The following TMEM254 variants were observed in gnomAD, a reference collection of about 807,000 sequenced individuals.
TMEM254 encodes transmembrane protein C10orf57.
A neutral mutation model predicts 13.9 loss-of-function variants in TMEM254; 16 were observed. The ratio of observed to expected loss-of-function variants is 1.15; its 90% CI spans 0.78 to 1.75. The LOEUF (loss-of-function observed/expected upper bound fraction) is 1.75. Among genes scored for constraint, TMEM254 ranks in the 40% most tolerant of loss-of-function variants. The probability of loss-of-function intolerance (pLI) is 0.00; values close to 1 mark genes in which losing one functional copy is unlikely to be tolerated. For synonymous variants in TMEM254, 61 were observed against 56.4 expected, an observed-to-expected ratio of 1.08 and a Z score of -0.36; for missense variants, 155 against 149.0, an observed-to-expected ratio of 1.04 and a Z score of -0.21.
chr10:80,082,425 T>C (rs1220353018), intron 3 of TMEM254, among the ~76,000 whole-genome samples: 2 of 152,222 alleles, frequency 1.3e-5, no homozygotes, highest in Non-Finnish European at 2.9e-5. Context: ...TACTTAGTTA[T>C]CTAATTCAGA....
chr10:80,079,618 A>G, intron 1 of TMEM254: 1 of 986,940 alleles, frequency 1.0e-6, no homozygotes, highest in Non-Finnish European at 1.2e-6. Flanking sequence ...AGAAAGCTGT[A>G]CCTAGAAAAA....
At chr10:80,090,440 C>G (rs1355730753) in intron 3 of TMEM254, 1 of 717,350 alleles carries the variant, frequency 1.4e-6, no homozygotes, top group Non-Finnish European at 2.6e-6. Flanking sequence ...TGGTAGGTAG[C>G]CACGCTAGGA....
intron 1 of TMEM254, chr10:80,081,588 A>G (rs1425388765): frequency 1.7e-6 from 2 of 1,162,608 alleles, no homozygotes; most frequent in Non-Finnish European, 2.4e-6. Flanking sequence ...GGATGGATTG[A>G]GCCCAGATGG....
chr10:80,079,744 G>C, intron 1 of TMEM254: 1 of 969,312 alleles, frequency 1.0e-6, no homozygotes. Context: ...ACGGAGTCTC[G>C]CTCTGTCACC....
intron 3 of TMEM254, among the ~76,000 whole-genome samples, chr10:80,085,240 A>G (rs1204853986): frequency 3.3e-5 from 5 of 152,148 alleles, no homozygotes; most frequent in African/African-American, 1.2e-4. Context: ...ATTAGTCACT[A>G]TGAATCAGAA....
intron 3 of TMEM254, among the ~76,000 whole-genome samples, chr10:80,089,924 C>G (rs1277023717): frequency 2.7e-5 from 4 of 150,280 alleles, no homozygotes; most frequent in Non-Finnish European, 4.4e-5. Context: ...AGAATGGCAT[C>G]AACCCGGGAG....
At chr10:80,087,614 C>T (rs1844379067) in intron 3 of TMEM254, among the ~76,000 whole-genome samples, 2 of 152,162 alleles carry the variant, frequency 1.3e-5, no homozygotes, top group Non-Finnish European at 2.9e-5. Flanking sequence ...GATCACACCA[C>T]TGCACTCTAG....
rs1844051030 is a variant in TMEM254, at chr10:80,081,886, C to G, written c.133C>G (p.Pro45Ala). Residue 45 changes from proline (P) to alanine (A), a missense_variant, in exon 2 of 4, where the codon CCC (proline) becomes GCC (alanine). Transcript: ENST00000372281. ...GAGTATCCCTTATCAGAACCTTGGGCCCCTGGGCCCCTTCACTCAGTACTT... is the reference window on the plus strand; with the variant it reads ...GAGTATCCCTTATCAGAACCTTGGGGCCCTGGGCCCCTTCACTCAGTACTT... Reference protein sequence around the residue: ...PQSIPYQNLGPLGPFTQYLVD... With the variant: ...PQSIPYQNLGALGPFTQYLVD... 6.2e-7 allele frequency: 1 copy of G among 1,614,206 alleles called. No individual in the cohort carries two copies. Among genetic ancestry groups the G allele is most frequent in the African/African-American group, 1.3e-5 (1 of 75,062 alleles).
chr10:80,087,904 T>C (rs560657076), intron 3 of TMEM254, among the ~76,000 whole-genome samples: 1 of 152,182 alleles, frequency 6.6e-6, no homozygotes, highest in African/African-American at 2.4e-5. Context: ...CTTTTTATTC[T>C]GTTGGGCCTT....
In TMEM254 at chr10:80,080,144, T is replaced by C. The variant is rs1292219572; in HGVS notation, c.87+1358T>C. ...TTAGTGTCTGTGACTAGTTAGAATATAGTTGGAGGAAAGCTTTGGGGACTT... is the reference window on the plus strand; with the variant it reads ...TTAGTGTCTGTGACTAGTTAGAATACAGTTGGAGGAAAGCTTTGGGGACTT... On this transcript the variant is annotated intron_variant, in intron 1 of 3. Coordinates refer to ENST00000372281, the MANE Select transcript of TMEM254 (RefSeq NM_025125.4). Among the ~76,000 whole-genome samples the C allele has an allele frequency of 3.3e-5, 5 of 152,312 alleles. No homozygotes were observed. The East Asian group carries it at 7.7e-4, about 23-fold the overall frequency.
Position 80,091,006 on chromosome 10 carries a change from T to A in TMEM254, c.*89T>A, listed in dbSNP as rs1465399435. ...GGAGGTGCAGTAATTTACTCAGTGA[T>A]CTTTCTACTTTCTAGAAACTGTCCT... On this transcript the variant is annotated 3_prime_UTR_variant, in exon 4 of 4. Coordinates refer to ENST00000372281, the MANE Select transcript of TMEM254 (RefSeq NM_025125.4). 7 of 1,509,016 alleles carry A rather than the reference T, an allele frequency of 4.6e-6. No homozygotes were observed. Among genetic ancestry groups the A allele is most frequent in the Admixed American group, 2.1e-5 (1 of 47,332 alleles). The allele number at this position is 1,509,016 out of a possible 1,614,324, so 93.5% of individuals were successfully genotyped here.
intron 3 of TMEM254, among the ~76,000 whole-genome samples, chr10:80,082,812 A>G (rs1192430135): frequency 6.6e-6 from 1 of 152,226 alleles, no homozygotes; most frequent in African/African-American, 2.4e-5. Context: ...TTATATAAGC[A>G]TATACAGAAA....
At chr10:80,086,840 CAAA>C (rs71034279) in intron 3 of TMEM254, among the ~76,000 whole-genome samples, 3 of 129,524 alleles carry the variant, frequency 2.3e-5, no homozygotes. Context: ...GACTCCATTT[CAAA>C]AAAAAAAAAA....
In TMEM254 at chr10:80,090,869, T is replaced by C. The variant is rs140676963; in HGVS notation, c.324T>C (p.Ser108=). 1.3e-3 allele frequency: 2,131 copies of C among 1,614,178 alleles called. 8 individuals are homozygous for C. The highest frequency in any genetic ancestry group is 1.2e-3 in the Non-Finnish European group (1,404 of 1,180,006). ...FLQTFFFGIA[S]LTILIAYKRK... ...AGACTTTCTTCTTTGGGATAGCGTC[T>C]CTCACCATCTTGATTGCTTACAAAC... Residue 108 remains serine, a synonymous_variant, in exon 4 of 4, where the codon TCT becomes TCC. Coordinates refer to ENST00000372281, the MANE Select transcript of TMEM254 (RefSeq NM_025125.4).
At chr10:80,078,891 A>T in intron 1 of TMEM254, 105 bp downstream of exon 1, 1 of 1,527,234 alleles carries the variant, frequency 6.5e-7, no homozygotes, top group South Asian at 1.2e-5. Flanking sequence ...TCGTGCAAGC[A>T]CAATCCCGAC....
chr10:80,078,933 C>G (rs1843793606), intron 1 of TMEM254, 147 bp downstream of exon 1: 1 of 1,523,532 alleles, frequency 6.6e-7, no homozygotes, highest in Non-Finnish European at 8.9e-7. Flanking sequence ...GGGAGGGGAC[C>G]AGACTCCGCA....
At chr10:80,085,296 A>G (rs1844257043) in intron 3 of TMEM254, among the ~76,000 whole-genome samples, 1 of 152,104 alleles carries the variant, frequency 6.6e-6, no homozygotes, top group Non-Finnish European at 1.5e-5. Context: ...ACGGTGGCTC[A>G]TGCCTGTAAT....
At chr10:80,078,875 G>A in intron 1 of TMEM254, 89 bp downstream of exon 1, 3 of 1,535,090 alleles carry the variant, frequency 2.0e-6, no homozygotes, top group South Asian at 2.4e-5. Flanking sequence ...CGCGGGCCGG[G>A]GGAAGTCGTG....
chr10:80,086,236 A>AT, intron 3 of TMEM254: 1 of 1,475,508 alleles, frequency 6.8e-7, no homozygotes, highest in Non-Finnish European at 8.9e-7. Flanking sequence ...AATAGGCAAA[A>AT]TGAGCTAAGA....
Sources: allele counts gnomAD v4.1 joint callset (sites outside exome capture counted in the v4.1 genomes callset), GRCh38; gene constraint gnomAD v4.1.1; transcripts MANE v1.5; gene names NCBI Gene and HGNC (gene_info 2026-07-23, HGNC 2026-07-21).